The following PCGF3 variants were observed in gnomAD, a reference collection of about 807,000 sequenced individuals.
PCGF3 encodes polycomb group RING finger protein 3.
In PCGF3, 7 loss-of-function variants were observed where a neutral mutation model predicts 33.1. The observed-to-expected ratio is 0.21, with a 90% CI of 0.12 to 0.40. The LOEUF (loss-of-function observed/expected upper bound fraction) is 0.40. Ranked by LOEUF, PCGF3 falls within the 10% of genes least tolerant of loss-of-function variation. PCGF3 has a pLI of 1.00. For synonymous variants in PCGF3, 153 were observed against 121.3 expected (o/e 1.26, Z -1.72); for missense variants, 211 against 313.3 (o/e 0.67, Z 2.46).
At chr4:738,225 A>G (rs1394340003) in intron 6 of PCGF3, among the ~76,000 whole-genome samples, 1 of 152,246 alleles carries the variant, frequency 6.6e-6, no homozygotes, top group Non-Finnish European at 1.5e-5. Flanking sequence ...GAGGGTTGGA[A>G]TTCAAAACAC....
intron 3 of PCGF3, chr4:732,323 C>G (rs986323101): frequency 1.8e-4 from 28 of 152,390 alleles, no homozygotes; most frequent in Non-Finnish European, 3.5e-4. Flanking sequence ...CCTACCCTCC[C>G]CTCCCCTTCC....
Position 732,317 on chromosome 4 carries a change from CCCTCCCCTCCCCTTCCCT to C in PCGF3, c.-10+1219_-10+1236del, listed in dbSNP as rs1243135046. ...CCCCCTCACCTCCCTTCCCTCCCTA[CCCTCCCCTCCCCTTCCCT>C]CCTCCCCTCCCTTCCCTTCCCCTCC... On this transcript the variant is annotated intron_variant, in intron 3 of 10. Coordinates refer to ENST00000362003, the Ensembl canonical transcript of PCGF3. The C allele has an allele frequency of 9.3e-5, 13 of 139,642 alleles. No homozygotes were observed. The South Asian group carries it at 1.8e-3, about 19-fold the overall frequency. 8.7% of individuals were successfully genotyped at this position (139,642 alleles called of 1,614,324 possible).
At chr4:728,446 A>G (rs1016622809) in intron 1 of PCGF3, among the ~76,000 whole-genome samples, 1 of 150,126 alleles carries the variant, frequency 6.7e-6, no homozygotes, top group African/African-American at 2.5e-5. Context: ...CAGCGTGTTA[A>G]GTGTCGTAAG....
intron 6 of PCGF3, among the ~76,000 whole-genome samples, 153 bp from the exon 7 acceptor site, chr4:743,321 A>G (rs890380568): frequency 6.6e-6 from 1 of 152,234 alleles, no homozygotes; most frequent in African/African-American, 2.4e-5. Context: ...CTGAGCCCCC[A>G]AAACATCTCA....
intron 1 of PCGF3, among the ~76,000 whole-genome samples, chr4:711,219 C>G (rs1279803516): frequency 2.0e-5 from 3 of 152,246 alleles, no homozygotes; most frequent in Non-Finnish European, 2.9e-5. Flanking sequence ...CCATGCCGCA[C>G]TCTCTAGACT....
At chr4:750,139 G>T (rs146334420) in intron 8 of PCGF3, among the ~76,000 whole-genome samples, 5 of 152,232 alleles carry the variant, frequency 3.3e-5, no homozygotes, top group Admixed American at 6.5e-5. Flanking sequence ...TGTGTTTCCT[G>T]TGTGCTCCTG....
chr4:729,119 A>C (rs1284307778), intron 1 of PCGF3, among the ~76,000 whole-genome samples: 13 of 149,540 alleles, frequency 8.7e-5, no homozygotes, highest in African/African-American at 2.2e-4. Flanking sequence ...AAAAAAAAAA[A>C]AAAAAAAAAA....
At chr4:737,160 T>G (rs1743871555) in intron 5 of PCGF3, among the ~76,000 whole-genome samples, 1 of 151,484 alleles carries the variant, frequency 6.6e-6, no homozygotes. Context: ...GCAGGGACGG[T>G]GTCCCCTGAG....
intron 1 of PCGF3, among the ~76,000 whole-genome samples, chr4:717,962 C>T (rs1213234727): frequency 1.3e-5 from 2 of 152,196 alleles, no homozygotes; most frequent in African/African-American, 2.4e-5. Flanking sequence ...GTGGGTGCTG[C>T]GTTGAGGTCA....
chr4:708,482 C>T (rs1006073729), intron 1 of PCGF3, among the ~76,000 whole-genome samples: 40 of 151,494 alleles, frequency 2.6e-4, no homozygotes, highest in Admixed American at 2.6e-4. Context: ...AGGCCCTTTC[C>T]ATGAGACCCT....
intron 1 of PCGF3, among the ~76,000 whole-genome samples, chr4:718,909 C>T (rs929495025): frequency 8.5e-5 from 13 of 152,144 alleles, no homozygotes; most frequent in African/African-American, 2.2e-4. Context: ...AAATTCAAAG[C>T]GCTGTCATGT....
chr4:713,582 G>A (rs575978339), intron 1 of PCGF3, among the ~76,000 whole-genome samples: 11 of 152,056 alleles, frequency 7.2e-5, no homozygotes, highest in African/African-American at 1.9e-4. Flanking sequence ...GTGTGGCCTC[G>A]TGGGGGGCTA....
intron 1 of PCGF3, among the ~76,000 whole-genome samples, chr4:726,044 C>G (rs1396713183): frequency 6.6e-6 from 1 of 152,092 alleles, no homozygotes; most frequent in Non-Finnish European, 1.5e-5. Context: ...GTGAAACAGG[C>G]CACCAGCAGT....
intron 1 of PCGF3, among the ~76,000 whole-genome samples, chr4:724,494 T>G (rs116497263): frequency 0.016 from 2,376 of 152,342 alleles, 70 homozygotes; most frequent in African/African-American, 0.053. Context: ...GTCTGTCTTT[T>G]GTTTATTTAC....
chr4:765,675 G>A (rs62294076), intron 10 of PCGF3, among the ~76,000 whole-genome samples: 11,184 of 152,164 alleles, frequency 0.073, 491 homozygotes, highest in South Asian at 0.14. Context: ...TGGTGTTGCT[G>A]CCTGGGGAGA....
chr4:712,047 TTATC>T lies in PCGF3; in HGVS notation c.-190+6081_-190+6084del, dbSNP rs200251501. Among the ~76,000 whole-genome samples, 89 of 152,298 alleles carry T rather than the reference TTATC, an allele frequency of 5.8e-4. 2 individuals are homozygous for T. In the East Asian group the frequency reaches 0.014, roughly 23 times the overall value. ...AGGTTTAGGGACAGTTTCCTATTGT[TTATC>T]TATTTTTTATTATGATACTTGCTGT... On this transcript the variant is annotated intron_variant, in intron 1 of 10. Coordinates refer to ENST00000362003, the Ensembl canonical transcript of PCGF3.
At chr4:756,651 T>G (rs1201574292) in intron 8 of PCGF3, among the ~76,000 whole-genome samples, 2 of 152,220 alleles carry the variant, frequency 1.3e-5, no homozygotes, top group African/African-American at 4.8e-5. Context: ...ATATGCCATT[T>G]TAACCATTTT....
chr4:735,881 G>A (rs1478740797), intron 5 of PCGF3, among the ~76,000 whole-genome samples: 1 of 152,220 alleles, frequency 6.6e-6, no homozygotes, highest in Non-Finnish European at 1.5e-5. Context: ...GGTGGAGCGT[G>A]TGGTTCTCAC....
intron 9 of PCGF3, among the ~76,000 whole-genome samples, chr4:764,294 C>T (rs1189302451): frequency 1.3e-5 from 2 of 152,188 alleles, no homozygotes; most frequent in Non-Finnish European, 2.9e-5. Flanking sequence ...TTTAAAAAGT[C>T]TAATTTTTTT....
Sources: gnomAD v4.1 joint callset for allele counts (sites outside exome capture counted in the v4.1 genomes callset) on GRCh38, gnomAD v4.1.1 for gene constraint, MANE v1.5 for transcripts, NCBI Gene and HGNC (gene_info 2026-07-23, HGNC 2026-07-21) for gene names.